COL4A2: variants seen among roughly 807,000 people sequenced by gnomAD.
COL4A2 encodes the protein collagen alpha-2(IV) chain.
Under a neutral mutation model 200.2 loss-of-function variants are expected in COL4A2, and 99 were observed. The observed-to-expected ratio is 0.49, with a 90% CI of 0.42 to 0.58. The LOEUF (loss-of-function observed/expected upper bound fraction) is 0.58, where lower values mean the gene tolerates loss of function less well. COL4A2 is among the 20% of genes least tolerant of loss of function. The pLI, the probability that COL4A2 is intolerant of heterozygous loss-of-function variation, is 0.00. For missense variants in COL4A2, 1,950 were observed against 2,314.1 expected, an observed-to-expected ratio of 0.84 and a Z score of 3.23; for synonymous variants, 897 against 900.6, an observed-to-expected ratio of 1.00 and a Z score of 0.07.
At chr13:110,413,860 C>T (rs9588155) in intron 4 of COL4A2, among the ~76,000 whole-genome samples, 114,804 of 152,140 alleles carry the variant, frequency 0.75, 43,887 homozygotes, top group Non-Finnish European at 0.83. Flanking sequence ...GCTTGGGGAA[C>T]GGTATTGCTG....
At chr13:110,352,911 C>T (rs1039941246) in intron 3 of COL4A2, among the ~76,000 whole-genome samples, 3 of 152,128 alleles carry the variant, frequency 2.0e-5, no homozygotes, top group Admixed American at 1.3e-4. Context: ...GCACGCCCCA[C>T]GAGCCTGGAT....
chr13:110,316,945 G>A (rs552510193), intron 3 of COL4A2, among the ~76,000 whole-genome samples: 3 of 152,102 alleles, frequency 2.0e-5, no homozygotes, highest in Admixed American at 1.3e-4. Flanking sequence ...GGAATATACA[G>A]ACATAGATGA....
In COL4A2 at chr13:110,480,296, CAG is replaced by C; in HGVS notation, c.2667_2668del (p.Gly890ArgfsTer17). On this transcript the variant is annotated frameshift_variant, in exon 31 of 48. Coordinates refer to ENST00000360467, the MANE Select transcript of COL4A2 (RefSeq NM_001846.4). LOFTEE classifies it high-confidence loss of function. ...PVGMKGLSGD[R>X]GDAGFTGEQG... ...TGGGCATGAAAGGTCTCTCTGGTGA[CAG>C]AGGAGATGCTGGCTTCACAGGGGAG... The C allele has an allele frequency of 1.2e-6, 2 of 1,613,976 alleles. No individual in the cohort carries two copies. The highest frequency in any genetic ancestry group is 1.7e-6 in the Non-Finnish European group (2 of 1,179,914).
chr13:110,411,614 A>G (rs938158561), intron 4 of COL4A2, among the ~76,000 whole-genome samples: 1 of 151,856 alleles, frequency 6.6e-6, no homozygotes, highest in Admixed American at 6.6e-5. Context: ...TTCTTAAATC[A>G]CCTCTGCAGG....
At chr13:110,419,187 G>A (rs1199959873) in intron 4 of COL4A2, among the ~76,000 whole-genome samples, 5 of 152,182 alleles carry the variant, frequency 3.3e-5, no homozygotes, top group Admixed American at 2.0e-4. Flanking sequence ...GGGCGCCAGT[G>A]CCCATAAAAG....
At chr13:110,505,222 C>A (rs981787181) in intron 45 of COL4A2, among the ~76,000 whole-genome samples, 3 of 151,884 alleles carry the variant, frequency 2.0e-5, no homozygotes, top group South Asian at 2.1e-4. Flanking sequence ...TGGTGGCGGG[C>A]GCCAGTAGTC....
Position 110,307,615 on chromosome 13 carries a change from CCTG to C in COL4A2, c.-45+90_-45+92del. The C allele has an allele frequency of 1.9e-6, 1 of 536,000 alleles. No homozygotes were observed. Among genetic ancestry groups the C allele is most frequent in the East Asian group, 3.1e-5 (1 of 32,552 alleles). The allele number at this position is 536,000 out of a possible 1,614,324, so 33.2% of individuals were successfully genotyped here. On this transcript the variant is annotated intron_variant, in intron 1 of 47. Coordinates refer to ENST00000360467, the MANE Select transcript of COL4A2 (RefSeq NM_001846.4). The surrounding 1 kb of genome is among the most constrained non-coding windows in gnomAD (Gnocchi z 5.0). The stretch of plus-strand genomic sequence containing the variant: ...TGTGCAGGCTAGGGCTGCACGCTCT[CCTG>C]CTTGGGAGTAGAAAGGGGGAGGGTG...
At chr13:110,494,117 TTTTA>T (rs1446968248) in intron 39 of COL4A2, among the ~76,000 whole-genome samples, 3 of 152,260 alleles carry the variant, frequency 2.0e-5, no homozygotes, top group Non-Finnish European at 4.4e-5. Flanking sequence ...TTCTGGCTTA[TTTTA>T]TAAACTACTG....
At chr13:110,381,583 C>T (rs151034591) in intron 4 of COL4A2, among the ~76,000 whole-genome samples, 2 of 152,306 alleles carry the variant, frequency 1.3e-5, no homozygotes, top group East Asian at 3.9e-4. Context: ...CCAGTGAACA[C>T]GTGATTGAAC....
chr13:110,358,534 G>A (rs1049359019), intron 4 of COL4A2, among the ~76,000 whole-genome samples: 1 of 152,222 alleles, frequency 6.6e-6, no homozygotes, highest in Admixed American at 6.5e-5. Context: ...GTCACCAAGT[G>A]TCATACACTG....
chr13:110,342,007 A>T (rs1330981599), intron 3 of COL4A2, among the ~76,000 whole-genome samples: 1 of 152,150 alleles, frequency 6.6e-6, no homozygotes, highest in Non-Finnish European at 1.5e-5. Context: ...GGACTCACGA[A>T]TTTTTATCTT....
Position 110,438,668 on chromosome 13 carries a change from G to A in COL4A2, c.912G>A (p.Arg304=). The change falls in exon 15 of 48, where the codon AGG becomes AGA. Residue 304 remains arginine, a splice_region_variant and synonymous_variant. Coordinates refer to ENST00000360467, the MANE Select transcript of COL4A2 (RefSeq NM_001846.4). ...EEGIMGFPGL[R]GYPGLSGEKG... ...GAATCATGGGCTTTCCTGGACTGAGGGTAAACCACGCCTTTTATAACTGCA... is the reference window on the plus strand; with the variant it reads ...GAATCATGGGCTTTCCTGGACTGAGAGTAAACCACGCCTTTTATAACTGCA... 4 of 1,614,168 alleles carry A rather than the reference G, an allele frequency of 2.5e-6. No individual in the cohort carries two copies. The highest frequency in any genetic ancestry group is 3.4e-6 in the Non-Finnish European group (4 of 1,180,022).
intron 3 of COL4A2, among the ~76,000 whole-genome samples, chr13:110,308,993 G>A (rs1267058478): frequency 6.6e-6 from 1 of 152,196 alleles, no homozygotes; most frequent in African/African-American, 2.4e-5. Context: ...CGATGGAGTA[G>A]CCCTGCCCTG....
Position 110,450,306 on chromosome 13 carries a change from T to C in COL4A2, c.1191T>C (p.Asp397=). The C allele has an allele frequency of 1.2e-6, 2 of 1,613,452 alleles. No individual in the cohort carries two copies. The highest frequency in any genetic ancestry group is 1.7e-6 in the Non-Finnish European group (2 of 1,179,598). ...CAGGTGAATGCTGTTTGGTTTCAGA[T>C]CAGAGGAGAGGCCTGCCGGGTGAGA... is the stretch of plus-strand genomic sequence containing the variant. The part of the protein sequence containing the change: ...GPPGLSIGDG[D]QRRGLPGEMG... Residue 397 remains aspartate (D), a splice_region_variant and synonymous_variant, in exon 20 of 48, where the codon GAT becomes GAC. Coordinates refer to ENST00000360467, the MANE Select transcript of COL4A2 (RefSeq NM_001846.4).
chr13:110,312,156 G>A (rs1018517343), intron 3 of COL4A2, among the ~76,000 whole-genome samples: 7 of 152,236 alleles, frequency 4.6e-5, no homozygotes, highest in Non-Finnish European at 5.9e-5. Context: ...TCCTCTGCTC[G>A]TGGATAAACA....
At chr13:110,309,177 A>G (rs1276720758) in intron 3 of COL4A2, among the ~76,000 whole-genome samples, 1 of 152,246 alleles carries the variant, frequency 6.6e-6, no homozygotes, top group Non-Finnish European at 1.5e-5. Context: ...TTTTAAAGGC[A>G]GTGAGTGATG....
rs1168156878 is a variant in COL4A2, at chr13:110,512,993, C to T, written c.*802C>T. On this transcript the variant is annotated 3_prime_UTR_variant, in exon 48 of 48. Transcript: ENST00000360467. ...CTGACTGCCCCCTCCTGTGTAACGA[C>T]TACAAAATAAAACTTGGTTCTGAAT... is the stretch of plus-strand genomic sequence containing the variant. The T allele has an allele frequency of 2.6e-5, 4 of 152,202 alleles. No homozygotes were observed. Among genetic ancestry groups the T allele is most frequent in the African/African-American group, 9.7e-5 (4 of 41,440 alleles). 9.4% of individuals were successfully genotyped at this position (152,202 alleles called of 1,614,324 possible).
chr13:110,491,419 A>T, intron 37 of COL4A2, 79 bp downstream of exon 37: 2 of 927,764 alleles, frequency 2.2e-6, no homozygotes, highest in Non-Finnish European at 3.4e-6. Flanking sequence ...CAACATTGTC[A>T]ATTTCCTCCA....
At chr13:110,501,254 G>A (rs561434126) in intron 40 of COL4A2, among the ~76,000 whole-genome samples, 1 of 152,340 alleles carries the variant, frequency 6.6e-6, no homozygotes, top group East Asian at 1.9e-4. Flanking sequence ...TCAATTGTAA[G>A]CCTCATTTGC....
Sources: allele counts gnomAD v4.1 joint callset (sites outside exome capture counted in the v4.1 genomes callset), GRCh38; gene constraint gnomAD v4.1.1; non-coding constraint Gnocchi (gnomAD v3.1); transcripts MANE v1.5; gene names NCBI Gene and HGNC (gene_info 2026-07-23, HGNC 2026-07-21).